PTPRT: variants seen among roughly 807,000 people sequenced by gnomAD.
PTPRT encodes the protein receptor-type tyrosine-protein phosphatase T.
A neutral mutation model predicts 176.8 loss-of-function variants in PTPRT; 56 were observed. The observed-to-expected ratio is 0.32, with a 90% CI of 0.26 to 0.40. The LOEUF (loss-of-function observed/expected upper bound fraction) is 0.40, where lower values mean the gene tolerates loss of function less well. PTPRT is among the 10% of genes least tolerant of loss of function. The probability of loss-of-function intolerance (pLI) is 1.00; values close to 1 mark genes in which losing one functional copy is unlikely to be tolerated. For synonymous variants in PTPRT, 783 were observed against 739.0 expected (o/e 1.06, Z -0.96); for missense variants, 1,540 against 1,908.2 (o/e 0.81, Z 3.60).
chr20:42,508,686 T>C (rs2071893805), intron 7 of PTPRT, among the ~76,000 whole-genome samples: 1 of 151,810 alleles, frequency 6.6e-6, no homozygotes, highest in African/African-American at 2.4e-5. Context: ...AGCTAGTAAG[T>C]AGTAGAGCTG....
At chr20:42,905,028 C>T (rs2079456254) in intron 1 of PTPRT, among the ~76,000 whole-genome samples, 1 of 152,188 alleles carries the variant, frequency 6.6e-6, no homozygotes, top group South Asian at 2.1e-4. Context: ...ATGACTGAAA[C>T]ACCAAAAGCA....
intron 2 of PTPRT, among the ~76,000 whole-genome samples, chr20:42,831,270 A>C (rs1192884252): frequency 6.6e-6 from 1 of 152,208 alleles, no homozygotes. Context: ...AAAAACAAGC[A>C]ATGGGGAAAG....
chr20:42,540,450 C>A (rs2072559284), intron 7 of PTPRT, among the ~76,000 whole-genome samples: 1 of 151,962 alleles, frequency 6.6e-6, no homozygotes, highest in South Asian at 2.1e-4. Context: ...AGGAATACAG[C>A]AGGAGTAAAG....
intron 1 of PTPRT, among the ~76,000 whole-genome samples, chr20:43,153,537 C>T (rs2014427598): frequency 6.6e-6 from 1 of 152,060 alleles, no homozygotes; most frequent in Admixed American, 6.5e-5. Context: ...GAGAAAAACA[C>T]AGTATAAAAT....
At chr20:42,437,722 C>A (rs1476583296) in intron 9 of PTPRT, among the ~76,000 whole-genome samples, 1 of 152,058 alleles carries the variant, frequency 6.6e-6, no homozygotes, top group East Asian at 1.9e-4. Flanking sequence ...GGAGAAAAAC[C>A]ACCTGCTAGC....
chr20:43,014,745 GAGCCTAA>G (rs891118944), intron 1 of PTPRT, among the ~76,000 whole-genome samples: 11 of 152,274 alleles, frequency 7.2e-5, no homozygotes, highest in Admixed American at 5.2e-4. Context: ...GCATATTAAT[GAGCCTAA>G]ATTCTAAATC....
chr20:42,305,391 A>G (rs1045157019), intron 12 of PTPRT, among the ~76,000 whole-genome samples: 1 of 152,162 alleles, frequency 6.6e-6, no homozygotes, highest in African/African-American at 2.4e-5. Flanking sequence ...TTTTAATTGA[A>G]CATGTATACA....
At position 42,079,436 on chromosome 20, in the gene PTPRT, G is replaced by A. The variant is rs1421980708; in HGVS notation, c.*1443C>T. 4.6e-6 allele frequency: 1 copy of A among 219,338 alleles called. No individual in the cohort carries two copies. The highest frequency in any genetic ancestry group is 9.1e-6 in the Non-Finnish European group (1 of 109,400). The allele number at this position is 219,338 out of a possible 1,614,324, so 13.6% of individuals were successfully genotyped here. On this transcript the variant is annotated 3_prime_UTR_variant, in exon 31 of 31. Coordinates refer to ENST00000373187, the MANE Select transcript of PTPRT (RefSeq NM_007050.6). ...CCAGGATTTCATTACTAAGGAAGGTGCGTGGGTTTCCTCATTGGAGGAGAT... is the reference window on the plus strand; with the variant it reads ...CCAGGATTTCATTACTAAGGAAGGTACGTGGGTTTCCTCATTGGAGGAGAT...
At chr20:42,506,945 T>A (rs1333069495) in intron 7 of PTPRT, among the ~76,000 whole-genome samples, 2 of 152,088 alleles carry the variant, frequency 1.3e-5, no homozygotes, top group Admixed American at 1.3e-4. Context: ...TCTGACCACA[T>A]CTTATTAATA....
intron 1 of PTPRT, among the ~76,000 whole-genome samples, chr20:43,144,333 A>G (rs1398236130): frequency 6.6e-6 from 1 of 152,092 alleles, no homozygotes; most frequent in Admixed American, 6.5e-5. Flanking sequence ...CCAATTCCCA[A>G]CTGGGCACCA....
At chr20:42,087,906 A>G (rs538460799) in intron 27 of PTPRT, among the ~76,000 whole-genome samples, 2 of 150,380 alleles carry the variant, frequency 1.3e-5, no homozygotes, top group South Asian at 4.2e-4. Context: ...TAGAAGAAGA[A>G]GAAGAGATGG....
At chr20:42,465,715 G>A (rs2071091423) in intron 8 of PTPRT, among the ~76,000 whole-genome samples, 1 of 152,166 alleles carries the variant, frequency 6.6e-6, no homozygotes, top group African/African-American at 2.4e-5. Flanking sequence ...AGACAGGAAT[G>A]GCGGTAATAT....
chr20:42,845,329 G>T (rs904200298), intron 2 of PTPRT, among the ~76,000 whole-genome samples: 1 of 152,112 alleles, frequency 6.6e-6, no homozygotes, highest in East Asian at 1.9e-4. Flanking sequence ...TGTAAAATGG[G>T]AGTGTTATAT....
At chr20:43,116,551 A>G (rs1310399060) in intron 1 of PTPRT, among the ~76,000 whole-genome samples, 5 of 152,172 alleles carry the variant, frequency 3.3e-5, no homozygotes, top group Non-Finnish European at 7.3e-5. Flanking sequence ...TTATTCACAT[A>G]ATGTCTACTC....
intron 7 of PTPRT, among the ~76,000 whole-genome samples, chr20:42,621,151 G>T (rs112876383): frequency 6.6e-6 from 1 of 152,082 alleles, no homozygotes; most frequent in East Asian, 1.9e-4. Flanking sequence ...CATATCACCT[G>T]CCTCCTTTCT....
intron 1 of PTPRT, among the ~76,000 whole-genome samples, chr20:42,998,690 C>T (rs955541855): frequency 1.2e-4 from 19 of 152,298 alleles, no homozygotes; most frequent in African/African-American, 4.6e-4. Flanking sequence ...TAAGCGATTG[C>T]ATCAACATTT....
intron 2 of PTPRT, among the ~76,000 whole-genome samples, chr20:42,821,142 C>T (rs1178219808): frequency 6.6e-6 from 1 of 152,210 alleles, no homozygotes; most frequent in African/African-American, 2.4e-5. Flanking sequence ...CCCTGATAAA[C>T]ATCAATGTGA....
chr20:42,953,214 G>A (rs1981370096), intron 1 of PTPRT, among the ~76,000 whole-genome samples: 1 of 152,184 alleles, frequency 6.6e-6, no homozygotes, highest in Non-Finnish European at 1.5e-5. Context: ...GAGGGGCAAG[G>A]CTGCATAAAG....
intron 5 of PTPRT, among the ~76,000 whole-genome samples, chr20:42,762,583 T>C (rs1478986543): frequency 6.6e-6 from 1 of 152,224 alleles, no homozygotes; most frequent in African/African-American, 2.4e-5. Context: ...CCATACTCTA[T>C]TGGCAGAGCC....
Sources: gnomAD v4.1 joint callset for allele counts (sites outside exome capture counted in the v4.1 genomes callset) on GRCh38, gnomAD v4.1.1 for gene constraint, MANE v1.5 for transcripts, NCBI Gene and HGNC (gene_info 2026-07-23, HGNC 2026-07-21) for gene names.